SNTG1: variants seen among roughly 807,000 people sequenced by gnomAD.
SNTG1 encodes gamma-1-syntrophin.
Under a neutral mutation model 74.7 loss-of-function variants are expected in SNTG1, and 39 were observed. That is an observed-to-expected ratio of 0.52 (90% CI 0.40 to 0.68). The LOEUF (loss-of-function observed/expected upper bound fraction) is 0.68. SNTG1 is among the 30% of genes least tolerant of loss of function. The pLI, the probability that SNTG1 is intolerant of heterozygous loss-of-function variation, is 0.00. For synonymous variants in SNTG1, 254 were observed against 217.1 expected, an observed-to-expected ratio of 1.17 and a Z score of -1.49; for missense variants, 685 against 609.5, an observed-to-expected ratio of 1.12 and a Z score of -1.30.
chr8:50,100,353 C>A (rs1227745299), intron 1 of SNTG1, among the ~76,000 whole-genome samples: 1 of 151,880 alleles, frequency 6.6e-6, no homozygotes, highest in Non-Finnish European at 1.5e-5. Flanking sequence ...TTCTAGTGTT[C>A]TATATTACTA....
chr8:50,319,969 T>A (rs1043747312), intron 2 of SNTG1, among the ~76,000 whole-genome samples: 1 of 152,130 alleles, frequency 6.6e-6, no homozygotes, highest in African/African-American at 2.4e-5. Context: ...TGGCCTGAAG[T>A]TTTCTGTTTT....
At chr8:50,351,856 C>G (rs934448351) in intron 2 of SNTG1, among the ~76,000 whole-genome samples, 3 of 151,996 alleles carry the variant, frequency 2.0e-5, no homozygotes, top group Admixed American at 6.6e-5. Flanking sequence ...TCTTTGGTAA[C>G]TGGGAAATAA....
At chr8:50,469,419 G>A (rs1291318005) in intron 8 of SNTG1, among the ~76,000 whole-genome samples, 1 of 152,114 alleles carries the variant, frequency 6.6e-6, no homozygotes, top group Non-Finnish European at 1.5e-5. Flanking sequence ...ACTGCAGTCA[G>A]GTTCTGCCAG....
intron 2 of SNTG1, among the ~76,000 whole-genome samples, chr8:50,329,373 T>C (rs1035476299): frequency 1.3e-5 from 2 of 152,170 alleles, no homozygotes; most frequent in Admixed American, 6.5e-5. Context: ...CCATGAGGGC[T>C]CCACCCCTGC....
intron 8 of SNTG1, among the ~76,000 whole-genome samples, chr8:50,468,919 T>C (rs1478069418): frequency 6.6e-6 from 1 of 152,158 alleles, no homozygotes; most frequent in African/African-American, 2.4e-5. Flanking sequence ...TGTTCCCAAT[T>C]CCTCCCTCCC....
intron 13 of SNTG1, among the ~76,000 whole-genome samples, chr8:50,599,057 A>G (rs937644624): frequency 6.6e-6 from 1 of 152,014 alleles, no homozygotes; most frequent in East Asian, 1.9e-4. Context: ...TAATAATCAC[A>G]TCATGGAAAA....
rs34280300 is a variant in SNTG1, at chr8:50,138,628, C to CAATAAT, written c.-102-33896_-102-33891dup. 8.6e-3 allele frequency among the ~76,000 whole-genome samples: 1,206 copies of CAATAAT among 140,828 alleles called. 12 individuals carry two copies. Among genetic ancestry groups the CAATAAT allele is most frequent in the African/African-American group, 0.015 (577 of 37,688 alleles). 92.4% of individuals were successfully genotyped at this position (140,828 alleles called of 152,430 possible). On this transcript the variant is annotated intron_variant, in intron 1 of 18. Transcript: ENST00000642720. ...CAACAAGAGTGAAACTCTGTCTCAA[C>CAATAAT]AATAATAATAATAATAATAATAATA...
At chr8:50,133,426 A>T (rs1163255758) in intron 1 of SNTG1, among the ~76,000 whole-genome samples, 2 of 152,092 alleles carry the variant, frequency 1.3e-5, no homozygotes, top group Non-Finnish European at 2.9e-5. Context: ...CCACTTCCAC[A>T]TTTTTAGCTA....
intron 1 of SNTG1, among the ~76,000 whole-genome samples, chr8:49,962,948 A>G (rs990021020): frequency 6.6e-6 from 1 of 152,178 alleles, no homozygotes; most frequent in Non-Finnish European, 1.5e-5. Flanking sequence ...GGCAGGCAGT[A>G]TCTGGCAGGA....
chr8:50,081,687 G>A (rs1351267105), intron 1 of SNTG1, among the ~76,000 whole-genome samples: 1 of 152,050 alleles, frequency 6.6e-6, no homozygotes, highest in African/African-American at 2.4e-5. Context: ...AGGCTGGAGT[G>A]CAGTGGTGCT....
intron 6 of SNTG1, 48 bp from the exon 7 acceptor site, chr8:50,450,508 A>G (rs752279831): frequency 1.3e-6 from 2 of 1,595,032 alleles, no homozygotes; most frequent in East Asian, 2.2e-5. Flanking sequence ...TTTCATCTGC[A>G]TAACAAAAAC....
At chr8:50,240,120 G>A (rs1261233774) in intron 2 of SNTG1, among the ~76,000 whole-genome samples, 1 of 152,180 alleles carries the variant, frequency 6.6e-6, no homozygotes, top group African/African-American at 2.4e-5. Context: ...TTTGCAGAGA[G>A]AGCTCATTAA....
intron 2 of SNTG1, among the ~76,000 whole-genome samples, chr8:50,232,733 A>C (rs1448144169): frequency 6.6e-6 from 1 of 151,502 alleles, no homozygotes; most frequent in Non-Finnish European, 1.5e-5. Context: ...AGTTCAGCAA[A>C]AACCACAAAA....
At chr8:50,679,815 T>G (rs73569454) in intron 15 of SNTG1, among the ~76,000 whole-genome samples, 9,018 of 152,202 alleles carry the variant, frequency 0.059, 878 homozygotes, top group African/African-American at 0.21. Flanking sequence ...TGATCATATT[T>G]GTAACTTTTG....
chr8:50,333,931 A>G (rs1234041852), intron 2 of SNTG1, among the ~76,000 whole-genome samples: 1 of 152,218 alleles, frequency 6.6e-6, no homozygotes, highest in African/African-American at 2.4e-5. Flanking sequence ...ACAATCTTAC[A>G]TGGATAATGT....
intron 4 of SNTG1, among the ~76,000 whole-genome samples, chr8:50,422,315 T>G (rs1364366601): frequency 9.4e-6 from 1 of 106,356 alleles, no homozygotes; most frequent in African/African-American, 3.0e-5. Context: ...TAAAATTGAT[T>G]GACCAAGTAG....
At chr8:50,275,865 C>CT (rs2088071418) in intron 2 of SNTG1, among the ~76,000 whole-genome samples, 1 of 152,146 alleles carries the variant, frequency 6.6e-6, no homozygotes, top group African/African-American at 2.4e-5. Context: ...GACCACCATT[C>CT]TTACTTGGAT....
At chr8:49,957,396 G>T (rs979234166) in intron 1 of SNTG1, among the ~76,000 whole-genome samples, 1 of 152,162 alleles carries the variant, frequency 6.6e-6, no homozygotes, top group Non-Finnish European at 1.5e-5. Context: ...AACTACAGTT[G>T]TTGTTTATCT....
intron 10 of SNTG1, among the ~76,000 whole-genome samples, chr8:50,536,295 A>G (rs2094306744): frequency 6.6e-6 from 1 of 152,190 alleles, no homozygotes; most frequent in Non-Finnish European, 1.5e-5. Context: ...TCTCTATTTG[A>G]ATGAACTACA....
Sources: gnomAD v4.1 joint callset for allele counts (sites outside exome capture counted in the v4.1 genomes callset) on GRCh38, gnomAD v4.1.1 for gene constraint, MANE v1.5 for transcripts, NCBI Gene and HGNC (gene_info 2026-07-23, HGNC 2026-07-21) for gene names.